The following NAA11 variants were observed in gnomAD, a reference collection of about 807,000 sequenced individuals.
The protein encoded by NAA11 is N-alpha-acetyltransferase 11.
NAA11 carries 15 observed loss-of-function variants against 16.1 expected under a neutral mutation model. That is an observed-to-expected ratio of 0.93 (90% CI 0.62 to 1.44). The LOEUF (loss-of-function observed/expected upper bound fraction) is 1.44, where lower values mean the gene tolerates loss of function less well. NAA11 is among the 40% of genes most tolerant of loss of function. The probability of loss-of-function intolerance (pLI) is 0.00; values close to 1 mark genes in which losing one functional copy is unlikely to be tolerated. For synonymous variants in NAA11, 122 were observed against 112.4 expected (o/e 1.09, Z -0.54); for missense variants, 298 against 291.3 (o/e 1.02, Z -0.17).
the NAA11 span, among the ~76,000 whole-genome samples, chr4:79,155,922 A>C: frequency 1.3e-5 from 2 of 152,182 alleles, no homozygotes; most frequent in African/African-American, 4.8e-5. Context: ...ATCGACTTTT[A>C]GGAAACATAT....
At chr4:79,218,750 A>G in the NAA11 span, among the ~76,000 whole-genome samples, 1 of 152,112 alleles carries the variant, frequency 6.6e-6, no homozygotes, top group African/African-American at 2.4e-5. Context: ...ATTGAATAAA[A>G]TCAACCTGAT....
the NAA11 span, among the ~76,000 whole-genome samples, chr4:79,207,680 C>G: frequency 1.3e-5 from 2 of 152,078 alleles, no homozygotes; most frequent in Non-Finnish European, 2.9e-5. Flanking sequence ...TGTTAGCATA[C>G]TAAACTGATC....
the NAA11 span, among the ~76,000 whole-genome samples, chr4:79,190,440 GCTTC>G: frequency 7.2e-6 from 1 of 139,302 alleles, no homozygotes; most frequent in African/African-American, 2.7e-5. Context: ...ACCACATTTT[GCTTC>G]CTTGTCTCTC....
At chr4:79,194,517 G>A in the NAA11 span, among the ~76,000 whole-genome samples, 7 of 152,016 alleles carry the variant, frequency 4.6e-5, no homozygotes, top group Non-Finnish European at 7.4e-5. Flanking sequence ...GCAAGTGTCC[G>A]GAGGTGAGAA....
chr4:79,312,619 C>T (rs1312110048), downstream of NAA11, among the ~76,000 whole-genome samples: 5 of 137,006 alleles, frequency 3.6e-5, no homozygotes, highest in African/African-American at 1.4e-4. Flanking sequence ...GACTCCAGCC[C>T]GGGTGTGACA....
At chr4:79,186,559 T>G in the NAA11 span, among the ~76,000 whole-genome samples, 1 of 152,190 alleles carries the variant, frequency 6.6e-6, no homozygotes, top group Non-Finnish European at 1.5e-5. Flanking sequence ...TTAAACAACT[T>G]ATTAAAAGCC....
At chr4:79,271,443 G>A (rs1168115845) in intron 2 of NAA11, among the ~76,000 whole-genome samples, 6 of 151,918 alleles carry the variant, frequency 3.9e-5, no homozygotes, top group Admixed American at 3.9e-4. Context: ...TTGTGAAAAT[G>A]GACACTTTGT....
intron 2 of NAA11, among the ~76,000 whole-genome samples, chr4:79,231,872 G>A (rs1578152918): frequency 6.6e-6 from 1 of 151,134 alleles, no homozygotes; most frequent in East Asian, 1.9e-4. Context: ...CATTTTCTAG[G>A]ACAAATCATT....
the NAA11 span, among the ~76,000 whole-genome samples, chr4:79,184,341 T>C: frequency 3.3e-5 from 5 of 152,192 alleles, no homozygotes; most frequent in Admixed American, 3.3e-4. Context: ...CTGGATTCTT[T>C]GGTAAGTAGC....
At chr4:79,187,805 G>C in the NAA11 span, among the ~76,000 whole-genome samples, 1 of 151,860 alleles carries the variant, frequency 6.6e-6, no homozygotes, top group African/African-American at 2.4e-5. Context: ...GACCATCCTG[G>C]CTAACACGGT....
chr4:79,191,020 G>A, the NAA11 span, among the ~76,000 whole-genome samples: 1 of 152,158 alleles, frequency 6.6e-6, no homozygotes. Flanking sequence ...TGTTATGGCT[G>A]CATAGTATTC....
chr4:79,243,830 T>C (rs1721746413), intron 2 of NAA11, among the ~76,000 whole-genome samples: 1 of 152,164 alleles, frequency 6.6e-6, no homozygotes, highest in Non-Finnish European at 1.5e-5. Flanking sequence ...AGAGGGTACA[T>C]GAATATCAAA....
the NAA11 span, among the ~76,000 whole-genome samples, chr4:79,220,281 C>G: frequency 6.6e-6 from 1 of 152,108 alleles, no homozygotes; most frequent in African/African-American, 2.4e-5. Flanking sequence ...TTAGTAGAGA[C>G]GGCGTTTCGC....
At position 79,251,678 on chromosome 4, in the gene NAA11, AT is replaced by A. The variant is rs1379900983; in HGVS notation, c.*123-25409del. On this transcript the variant is annotated intron_variant and NMD_transcript_variant, in intron 2 of 2. Coordinates refer to the NAA11 transcript ENST00000511542. Reference sequence around the variant, plus strand: ...TTTTGTTAGCTTCTTCTAAAAAAAAATAATAATAAATGACCTGGCCAATTGT... The same window carrying A: ...TTTTGTTAGCTTCTTCTAAAAAAAAAAATAATAAATGACCTGGCCAATTGT... 2.6e-5 allele frequency among the ~76,000 whole-genome samples: 4 copies of A among 152,314 alleles called. 1 individual carries two copies. The East Asian group carries it at 7.7e-4, about 29-fold the overall frequency.
chr4:79,206,033 T>A, the NAA11 span, among the ~76,000 whole-genome samples: 1 of 152,100 alleles, frequency 6.6e-6, no homozygotes, highest in East Asian at 1.9e-4. Context: ...TAATTTGAAG[T>A]AAAGTAATGT....
At chr4:79,208,949 C>T in the NAA11 span, among the ~76,000 whole-genome samples, 2 of 50,632 alleles carry the variant, frequency 4.0e-5, no homozygotes, top group Non-Finnish European at 1.1e-4. Context: ...AAAAAAAAAC[C>T]CCAAAAAACC....
At chr4:79,226,605 T>A (rs1430725549) in intron 2 of NAA11, among the ~76,000 whole-genome samples, 1 of 118,810 alleles carries the variant, frequency 8.4e-6, no homozygotes, top group Non-Finnish European at 1.6e-5. Flanking sequence ...CAGGCACCAG[T>A]GGGTGATGTT....
At chr4:79,250,264 A>T (rs1042644153) in intron 2 of NAA11, among the ~76,000 whole-genome samples, 1 of 152,222 alleles carries the variant, frequency 6.6e-6, no homozygotes, top group Non-Finnish European at 1.5e-5. Context: ...GAGGCAGGAG[A>T]TCTGTCCATT....
intron 2 of NAA11, among the ~76,000 whole-genome samples, chr4:79,273,280 A>T (rs183079025): frequency 1.3e-5 from 2 of 152,162 alleles, no homozygotes; most frequent in Admixed American, 1.3e-4. Flanking sequence ...TAGTTAATAT[A>T]GCTTTGTAAA....
Sources: allele counts gnomAD v4.1 joint callset (sites outside exome capture counted in the v4.1 genomes callset), GRCh38; gene constraint gnomAD v4.1.1; transcripts MANE v1.5; gene names NCBI Gene and HGNC (gene_info 2026-07-23, HGNC 2026-07-21).